The following ZSCAN25 variants were observed in gnomAD, a reference collection of about 807,000 sequenced individuals.
The protein encoded by ZSCAN25 is zinc finger and SCAN domain containing 25.
In ZSCAN25, 27 loss-of-function variants were observed where a neutral mutation model predicts 38.7. The observed-to-expected ratio is 0.70, with a 90% confidence interval of 0.51 to 0.96. ZSCAN25 has a LOEUF of 0.96. Ranked by LOEUF, ZSCAN25 falls within the 40% of genes least tolerant of loss-of-function variation. The probability of loss-of-function intolerance (pLI) is 0.00; values close to 1 mark genes in which losing one functional copy is unlikely to be tolerated. For synonymous variants in ZSCAN25, 273 were observed against 277.7 expected, an observed-to-expected ratio of 0.98 and a Z score of 0.17; for missense variants, 637 against 705.9, an observed-to-expected ratio of 0.90 and a Z score of 1.11.
chr7:99,682,227 C>T, the ZSCAN25 span, among the ~76,000 whole-genome samples: 1 of 152,210 alleles, frequency 6.6e-6, no homozygotes, highest in South Asian at 2.1e-4. Flanking sequence ...GCCTCGGCCT[C>T]TCAAAATGCT....
chr7:99,640,858 T>C, the ZSCAN25 span, among the ~76,000 whole-genome samples: 1 of 152,174 alleles, frequency 6.6e-6, no homozygotes, highest in Admixed American at 6.5e-5. Context: ...GAGTAGTATA[T>C]GTGTTGTGCC....
At chr7:99,643,526 T>G in the ZSCAN25 span, among the ~76,000 whole-genome samples, 2 of 152,084 alleles carry the variant, frequency 1.3e-5, no homozygotes, top group Non-Finnish European at 1.5e-5. Flanking sequence ...CATAGTGATG[T>G]CAACTCTTCA....
At chr7:99,671,883 G>A in the ZSCAN25 span, 52 of 701,750 alleles carry the variant, frequency 7.4e-5, no homozygotes, top group African/African-American at 3.3e-4. Flanking sequence ...ACAAATCTAC[G>A]AATGTGAAAA....
At chr7:99,701,860 G>A in the ZSCAN25 span, among the ~76,000 whole-genome samples, 1 of 152,126 alleles carries the variant, frequency 6.6e-6, no homozygotes, top group Non-Finnish European at 1.5e-5. Flanking sequence ...TGTTGTCAGA[G>A]TGTTTGAAAA....
At chr7:99,617,307 G>GC (rs1806551029) in intron 1 of ZSCAN25, among the ~76,000 whole-genome samples, 1 of 152,242 alleles carries the variant, frequency 6.6e-6, no homozygotes, top group Non-Finnish European at 1.5e-5. Context: ...CGAACCCGAA[G>GC]AGATCTTGAA....
chr7:99,733,403 G>A, the ZSCAN25 span, among the ~76,000 whole-genome samples: 6 of 152,172 alleles, frequency 3.9e-5, no homozygotes, highest in Admixed American at 6.5e-5. Flanking sequence ...CTGTTTGGTA[G>A]AGTAATGCTG....
the ZSCAN25 span, chr7:99,660,073 T>C: frequency 2.4e-6 from 1 of 423,504 alleles, no homozygotes. Flanking sequence ...CCCACTGTCC[T>C]GCACCCACTC....
chr7:99,655,137 A>G, the ZSCAN25 span, among the ~76,000 whole-genome samples: 6 of 152,116 alleles, frequency 3.9e-5, no homozygotes, highest in Non-Finnish European at 4.4e-5. Context: ...GGTGTTTTAG[A>G]CATGAAGTCC....
chr7:99,679,986 C>T, the ZSCAN25 span: 5 of 1,105,124 alleles, frequency 4.5e-6, no homozygotes, highest in Non-Finnish European at 7.0e-6. Context: ...AGCTTCCCTG[C>T]CCTGCACAGC....
At chr7:99,638,440 G>A in the ZSCAN25 span, 4 of 1,563,788 alleles carry the variant, frequency 2.6e-6, no homozygotes, top group African/African-American at 1.4e-5. Flanking sequence ...CTCATCTCCC[G>A]GTCATTGATA....
At chr7:99,710,871 A>G in the ZSCAN25 span, 2 of 1,613,824 alleles carry the variant, frequency 1.2e-6, no homozygotes, top group African/African-American at 1.3e-5. Flanking sequence ...TGATTGGGCC[A>G]TGAGCTCCAG....
the ZSCAN25 span, among the ~76,000 whole-genome samples, chr7:99,697,222 G>T: frequency 6.6e-6 from 1 of 152,124 alleles, no homozygotes; most frequent in African/African-American, 2.4e-5. Context: ...ACCCATTAAG[G>T]CTGCTGCTCC....
At chr7:99,625,874 C>T (rs143579191) in intron 7 of ZSCAN25, among the ~76,000 whole-genome samples, 7 of 152,348 alleles carry the variant, frequency 4.6e-5, no homozygotes, top group South Asian at 4.1e-4. Flanking sequence ...CCAGGTGACA[C>T]GAAGGCCTGT....
At chr7:99,649,662 C>T in the ZSCAN25 span, among the ~76,000 whole-genome samples, 4 of 152,278 alleles carry the variant, frequency 2.6e-5, no homozygotes, top group South Asian at 4.1e-4. Context: ...TTGAAGCTCC[C>T]TGGTGATTCC....
chr7:99,686,642 A>G, the ZSCAN25 span, among the ~76,000 whole-genome samples: 1 of 152,238 alleles, frequency 6.6e-6, no homozygotes, highest in Admixed American at 6.5e-5. Flanking sequence ...CCTGTCTGAC[A>G]GCTTTGAAGA....
chr7:99,639,882 A>G, the ZSCAN25 span, among the ~76,000 whole-genome samples: 1 of 151,910 alleles, frequency 6.6e-6, no homozygotes, highest in Non-Finnish European at 1.5e-5. Context: ...CCTGGGCAAC[A>G]TAATGAGACC....
At chr7:99,707,593 T>G in the ZSCAN25 span, among the ~76,000 whole-genome samples, 1 of 152,232 alleles carries the variant, frequency 6.6e-6, no homozygotes, top group African/African-American at 2.4e-5. Flanking sequence ...AATCATGTCA[T>G]GCTAGTCTAC....
At chr7:99,627,174 A>G (rs962737679) in intron 7 of ZSCAN25, among the ~76,000 whole-genome samples, 6 of 152,224 alleles carry the variant, frequency 3.9e-5, no homozygotes, top group Admixed American at 3.3e-4. Flanking sequence ...AGGCATCTCA[A>G]TCTTTCATTT....
In ZSCAN25 at chr7:99,631,775, C is replaced by A. The variant is rs527486276; in HGVS notation, c.*1755C>A. On this transcript the variant is annotated 3_prime_UTR_variant, in exon 8 of 8. Coordinates refer to ENST00000394152, the MANE Select transcript of ZSCAN25 (RefSeq NM_145115.3). ...TTAGCAAATGACGCTCCTTGGTCTT[C>A]CTGGCTCATTAGCTGTGCCCACGAG... The A allele has an allele frequency of 4.7e-5, 46 of 985,458 alleles. No individual in the cohort carries two copies. The African/African-American group carries it at 7.1e-4, about 15-fold the overall frequency. 61.0% of individuals were successfully genotyped at this position (985,458 alleles called of 1,614,324 possible).
Sources: gnomAD v4.1 joint callset for allele counts (sites outside exome capture counted in the v4.1 genomes callset) on GRCh38, gnomAD v4.1.1 for gene constraint, MANE v1.5 for transcripts, NCBI Gene and HGNC (gene_info 2026-07-23, HGNC 2026-07-21) for gene names.